UNC79: variants seen among roughly 807,000 people sequenced by gnomAD.
UNC79 encodes the protein protein unc-79 homolog.
A neutral mutation model predicts 283.1 loss-of-function variants in UNC79; 37 were observed. The observed-to-expected ratio is 0.13, with a 90% CI of 0.10 to 0.17. The LOEUF (loss-of-function observed/expected upper bound fraction) is 0.17. Ranked by LOEUF, UNC79 falls within the 10% of genes least tolerant of loss-of-function variation. UNC79 has a pLI of 1.00. For missense variants in UNC79, 2,272 were observed against 3,211.1 expected (o/e 0.71, Z 7.07); for synonymous variants, 1,107 against 1,200.2 (o/e 0.92, Z 1.61).
intron 35 of UNC79, among the ~76,000 whole-genome samples, chr14:93,650,076 C>T (rs1325291346): frequency 2.6e-5 from 4 of 152,160 alleles, no homozygotes; most frequent in Admixed American, 6.5e-5. Flanking sequence ...CTACTGTATG[C>T]ACTCTTTTGT....
intron 22 of UNC79, among the ~76,000 whole-genome samples, chr14:93,589,879 A>G (rs1196869578): frequency 6.6e-6 from 1 of 152,198 alleles, no homozygotes; most frequent in East Asian, 1.9e-4. Flanking sequence ...CTTGGGCAAC[A>G]TAGCAAGACC....
rs931738514 is a variant in UNC79 at position 93,479,117 on chromosome 14, T to C, written c.619+1389T>C. Among the ~76,000 whole-genome samples the C allele has an allele frequency of 7.2e-5, 11 of 152,332 alleles. No individual in the cohort carries two copies. The East Asian group carries it at 1.9e-3, about 27-fold the overall frequency. ...TATCTTTAAAATAAGTGATGTTAAC[T>C]GTTAAACTTAGGCATAAGAATTTTT... On this transcript the variant is annotated intron_variant, in intron 4 of 48. Transcript: ENST00000555664.
chr14:93,497,140 C>G lies in UNC79; in HGVS notation c.769-17C>G. On this transcript the variant is annotated splice_polypyrimidine_tract_variant and intron_variant, in intron 6 of 48. Transcript: ENST00000555664. The stretch of plus-strand genomic sequence containing the variant: ...TTTCATGATGCTAAGTCAAAATATG[C>G]TTGCTGTTTCCTTTAGGATCTTTTG... 6.2e-7 allele frequency: 1 copy of G among 1,602,194 alleles called. No individual in the cohort carries two copies. The highest frequency in any genetic ancestry group is 8.5e-7 in the Non-Finnish European group (1 of 1,176,240).
At chr14:93,421,781 A>G (rs1053883702) in intron 1 of UNC79, among the ~76,000 whole-genome samples, 12 of 151,346 alleles carry the variant, frequency 7.9e-5, no homozygotes, top group African/African-American at 2.9e-4. Context: ...TAGCTTAAAA[A>G]AAAAAAAAGA....
chr14:93,482,090 C>A (rs1018801551), intron 4 of UNC79, among the ~76,000 whole-genome samples: 1 of 152,116 alleles, frequency 6.6e-6, no homozygotes, highest in Admixed American at 6.6e-5. Flanking sequence ...ATATTATGCA[C>A]GTGTATATCA....
chr14:93,451,389 C>G (rs1034833302), intron 1 of UNC79, among the ~76,000 whole-genome samples: 1 of 152,210 alleles, frequency 6.6e-6, no homozygotes, highest in Non-Finnish European at 1.5e-5. Context: ...AAAGAGGCTT[C>G]TAGTCTCCAG....
At chr14:93,422,032 T>A (rs2055611771) in intron 1 of UNC79, among the ~76,000 whole-genome samples, 1 of 151,798 alleles carries the variant, frequency 6.6e-6, no homozygotes. Flanking sequence ...CAGGTCTTAA[T>A]CAATTTAGGA....
intron 12 of UNC79, among the ~76,000 whole-genome samples, chr14:93,539,318 C>G (rs957767321): frequency 6.7e-6 from 1 of 149,556 alleles, no homozygotes; most frequent in Non-Finnish European, 1.5e-5. Context: ...GTCAGGATTT[C>G]GAGACCAGCC....
chr14:93,674,031 T>G (rs904860043), intron 41 of UNC79, among the ~76,000 whole-genome samples: 3 of 152,178 alleles, frequency 2.0e-5, no homozygotes, highest in African/African-American at 7.2e-5. Context: ...ATTATGCTTT[T>G]GGTTTTAGGG....
At chr14:93,523,337 G>C (rs1363758746) in intron 7 of UNC79, among the ~76,000 whole-genome samples, 1 of 152,170 alleles carries the variant, frequency 6.6e-6, no homozygotes, top group Non-Finnish European at 1.5e-5. Context: ...TAGTAGGTGG[G>C]TCACGTGTAA....
exon 22 of UNC79, chr14:93,586,871 T>G: frequency 6.2e-7 from 1 of 1,614,014 alleles, no homozygotes; most frequent in Non-Finnish European, 8.5e-7. Flanking sequence ...TCACCCTCAA[T>G]TTTTAGCCTA....
At chr14:93,476,608 G>T (rs2057813150) in intron 3 of UNC79, among the ~76,000 whole-genome samples, 1 of 152,152 alleles carries the variant, frequency 6.6e-6, no homozygotes, top group Non-Finnish European at 1.5e-5. Context: ...ATCCAAAGAA[G>T]GTTCATCTGC....
At chr14:93,347,493 C>T in intron 1 of UNC79, 3 of 1,291,986 alleles carry the variant, frequency 2.3e-6, no homozygotes, top group Non-Finnish European at 3.0e-6. Context: ...GTGCAGGCCT[C>T]GCGTGGGAGG....
intron 47 of UNC79, among the ~76,000 whole-genome samples, chr14:93,695,498 A>G (rs1339100205): frequency 2.0e-5 from 3 of 152,234 alleles, no homozygotes; most frequent in Non-Finnish European, 4.4e-5. Context: ...TAATATACAT[A>G]TGGCAAATGG....
intron 47 of UNC79, among the ~76,000 whole-genome samples, chr14:93,702,973 G>C (rs184489226): frequency 1.2e-4 from 19 of 152,336 alleles, no homozygotes; most frequent in Non-Finnish European, 2.5e-4. Flanking sequence ...ATGGTGAATA[G>C]AGCATCCCCT....
intron 26 of UNC79, 109 bp downstream of exon 27, chr14:93,605,070 A>G (rs1032691368): frequency 5.9e-6 from 7 of 1,181,770 alleles, no homozygotes; most frequent in Admixed American, 2.7e-5. Flanking sequence ...TAGGATTTGC[A>G]AGCTCAGAAG....
At chr14:93,585,275 G>C (rs1303205254) in intron 20 of UNC79, among the ~76,000 whole-genome samples, 1 of 152,134 alleles carries the variant, frequency 6.6e-6, no homozygotes, top group Non-Finnish European at 1.5e-5. Context: ...GGTTCCCTCA[G>C]AGCCTCTCTC....
chr14:93,662,224 G>A (rs1020434183), intron 39 of UNC79, among the ~76,000 whole-genome samples: 1 of 152,158 alleles, frequency 6.6e-6, no homozygotes, highest in Non-Finnish European at 1.5e-5. Context: ...CAGGCTTCCA[G>A]ATCTGAATAT....
intron 30 of UNC79, among the ~76,000 whole-genome samples, chr14:93,624,704 A>G (rs2067421273): frequency 6.6e-6 from 1 of 152,148 alleles, no homozygotes; most frequent in African/African-American, 2.4e-5. Flanking sequence ...TCATAATTGT[A>G]TGTCTCCATA....
Sources: allele counts gnomAD v4.1 joint callset (sites outside exome capture counted in the v4.1 genomes callset), GRCh38; gene constraint gnomAD v4.1.1; transcripts MANE v1.5; gene names NCBI Gene and HGNC (gene_info 2026-07-23, HGNC 2026-07-21).